PTPRD: variants seen among roughly 807,000 people sequenced by gnomAD.
PTPRD encodes the protein protein tyrosine phosphatase receptor type D, also known as receptor-type tyrosine-protein phosphatase delta.
A neutral mutation model predicts 214.5 loss-of-function variants in PTPRD; 34 were observed. The observed-to-expected ratio is 0.16, with a 90% confidence interval of 0.12 to 0.21. PTPRD has a LOEUF of 0.21. PTPRD is among the 10% of genes least tolerant of loss of function. The pLI is 1.00. For synonymous variants in PTPRD, 1,128 were observed against 845.7 expected, an observed-to-expected ratio of 1.33 and a Z score of -5.79; for missense variants, 2,545 against 2,398.7, an observed-to-expected ratio of 1.06 and a Z score of -1.27.
intron 44 of PTPRD, among the ~76,000 whole-genome samples, chr9:8,330,930 T>C (rs368479415): frequency 1.4e-4 from 22 of 152,262 alleles, no homozygotes; most frequent in African/African-American, 4.3e-4. Flanking sequence ...GAATTGCTTT[T>C]GTTAGAAGGT....
chr9:9,645,029 G>A (rs181676304), intron 7 of PTPRD, among the ~76,000 whole-genome samples: 39 of 152,308 alleles, frequency 2.6e-4, no homozygotes, highest in Middle Eastern at 3.4e-3. Context: ...CATTGAGATG[G>A]TTAACACTTA....
chr9:10,528,568 T>C (rs1056801954), intron 2 of PTPRD, among the ~76,000 whole-genome samples: 29 of 152,300 alleles, frequency 1.9e-4, no homozygotes, highest in African/African-American at 7.0e-4. Flanking sequence ...ATCATATGTA[T>C]ACTCAGGGCC....
At chr9:8,831,099 C>T (rs2097280276) in intron 11 of PTPRD, among the ~76,000 whole-genome samples, 1 of 152,126 alleles carries the variant, frequency 6.6e-6, no homozygotes, top group Non-Finnish European at 1.5e-5. Context: ...CCAGCTCCTA[C>T]ACTTCGCAGA....
At chr9:8,326,974 CA>C (rs1173045535) in intron 44 of PTPRD, among the ~76,000 whole-genome samples, 1 of 146,668 alleles carries the variant, frequency 6.8e-6, no homozygotes, top group Non-Finnish European at 1.5e-5. Flanking sequence ...TGATCTTTTC[CA>C]AAAGCCAGCT....
intron 11 of PTPRD, among the ~76,000 whole-genome samples, chr9:8,745,238 G>C (rs1049447154): frequency 1.3e-5 from 2 of 152,228 alleles, no homozygotes; most frequent in East Asian, 3.8e-4. Context: ...CAAGTGAGTA[G>C]TCTCAGAGGA....
At chr9:8,559,201 G>C (rs1202988557) in intron 14 of PTPRD, among the ~76,000 whole-genome samples, 1 of 152,124 alleles carries the variant, frequency 6.6e-6, no homozygotes, top group East Asian at 1.9e-4. Context: ...TAGTACAGTA[G>C]AAAAATTATA....
At chr9:8,562,689 G>A (rs1441004789) in intron 14 of PTPRD, among the ~76,000 whole-genome samples, 4 of 152,006 alleles carry the variant, frequency 2.6e-5, no homozygotes, top group East Asian at 1.9e-4. Context: ...CACCCGCCTC[G>A]GCCTCCTAAA....
intron 5 of PTPRD, among the ~76,000 whole-genome samples, chr9:9,932,307 G>C (rs1307312158): frequency 6.9e-6 from 1 of 145,330 alleles, no homozygotes; most frequent in Admixed American, 6.8e-5. Flanking sequence ...CAAACCAAAG[G>C]CAAAGAAGTT....
chr9:8,969,960 A>C (rs2099226728), intron 11 of PTPRD, among the ~76,000 whole-genome samples: 1 of 151,962 alleles, frequency 6.6e-6, no homozygotes, highest in African/African-American at 2.4e-5. Flanking sequence ...GTGTTATGAG[A>C]ATGTAATAAG....
intron 37 of PTPRD, among the ~76,000 whole-genome samples, chr9:8,380,671 C>T (rs989665661): frequency 6.6e-6 from 1 of 152,060 alleles, no homozygotes; most frequent in African/African-American, 2.4e-5. Flanking sequence ...AATAATAAAA[C>T]ATATTTAAAT....
At chr9:8,687,459 A>C (rs2097704553) in intron 12 of PTPRD, among the ~76,000 whole-genome samples, 1 of 152,196 alleles carries the variant, frequency 6.6e-6, no homozygotes, top group Non-Finnish European at 1.5e-5. Context: ...TGTTCCAGGT[A>C]TGTGATGTGA....
intron 5 of PTPRD, among the ~76,000 whole-genome samples, chr9:9,810,955 C>A (rs1319560468): frequency 6.6e-6 from 1 of 151,596 alleles, no homozygotes; most frequent in South Asian, 2.1e-4. Flanking sequence ...AAGCAGTTCG[C>A]GGCCAGGTGC....
At chr9:9,008,805 A>G (rs191888859) in intron 11 of PTPRD, among the ~76,000 whole-genome samples, 1 of 152,248 alleles carries the variant, frequency 6.6e-6, no homozygotes, top group Admixed American at 6.5e-5. Context: ...TACTATAACT[A>G]TTTTTGAGAA....
intron 3 of PTPRD, among the ~76,000 whole-genome samples, chr9:10,162,718 T>TAC (rs2099136055): frequency 6.8e-6 from 1 of 146,274 alleles, no homozygotes; most frequent in East Asian, 2.0e-4. Context: ...CGTATATATA[T>TAC]ACATATACAT....
intron 14 of PTPRD, among the ~76,000 whole-genome samples, chr9:8,599,598 C>CCCCACCCG (rs2094693710): frequency 9.4e-6 from 1 of 105,940 alleles, no homozygotes; most frequent in East Asian, 3.5e-4. Flanking sequence ...TGGCCCTTTC[C>CCCCACCCG]CCCACCCGCC....
At chr9:9,001,462 G>A (rs961362595) in intron 11 of PTPRD, among the ~76,000 whole-genome samples, 1 of 152,002 alleles carries the variant, frequency 6.6e-6, no homozygotes, top group Non-Finnish European at 1.5e-5. Flanking sequence ...GCACAATCAG[G>A]AAGCTTGCTT....
intron 4 of PTPRD, among the ~76,000 whole-genome samples, chr9:10,002,332 A>G (rs2096342945): frequency 4.5e-5 from 1 of 22,224 alleles, no homozygotes; most frequent in African/African-American, 5.1e-5. Flanking sequence ...TTAAATATAA[A>G]TATATATATA....
intron 2 of PTPRD, among the ~76,000 whole-genome samples, chr9:10,351,883 G>C (rs1204384813): frequency 1.3e-5 from 2 of 151,972 alleles, no homozygotes; most frequent in African/African-American, 2.4e-5. Context: ...GTCACAAATG[G>C]AGATGGGCAT....
At chr9:8,321,487 G>GTATATATA (rs750825729) in intron 44 of PTPRD, among the ~76,000 whole-genome samples, 790 of 44,328 alleles carry the variant, frequency 0.018, 23 homozygotes, top group Non-Finnish European at 0.023. Context: ...GTGTGTGTGT[G>GTATATATA]TATATATATA....
Sources: allele counts gnomAD v4.1 joint callset (sites outside exome capture counted in the v4.1 genomes callset), GRCh38; gene constraint gnomAD v4.1.1; transcripts MANE v1.5; gene names NCBI Gene and HGNC (gene_info 2026-07-23, HGNC 2026-07-21).